Variants in RASGRF1 observed in about 807,000 individuals in gnomAD.
The protein encoded by RASGRF1 is ras-specific guanine nucleotide-releasing factor 1.
A neutral mutation model predicts 138.7 loss-of-function variants in RASGRF1; 40 were observed. The observed-to-expected ratio is 0.29, with a 90% confidence interval of 0.22 to 0.38. The LOEUF (loss-of-function observed/expected upper bound fraction) is 0.38, where lower values mean the gene tolerates loss of function less well. RASGRF1 is among the 10% of genes least tolerant of loss of function. The probability of loss-of-function intolerance (pLI) is 1.00; values close to 1 mark genes in which losing one functional copy is unlikely to be tolerated. For synonymous variants in RASGRF1, 614 were observed against 663.2 expected, an observed-to-expected ratio of 0.93 and a Z score of 1.14; for missense variants, 1,108 against 1,650.4, an observed-to-expected ratio of 0.67 and a Z score of 5.69.
At chr15:78,979,612 A>G (rs2055973951) in intron 24 of RASGRF1, among the ~76,000 whole-genome samples, 1 of 152,204 alleles carries the variant, frequency 6.6e-6, no homozygotes, top group Non-Finnish European at 1.5e-5. Context: ...ACCTAATGAG[A>G]GTGACAGAAG....
chr15:79,074,040 C>T (rs193140119), intron 1 of RASGRF1, among the ~76,000 whole-genome samples: 1 of 152,348 alleles, frequency 6.6e-6, no homozygotes, highest in East Asian at 1.9e-4. Context: ...CTCAGATCTA[C>T]AGCTCTGCTG....
intron 12 of RASGRF1, among the ~76,000 whole-genome samples, chr15:79,016,142 C>T (rs1315976241): frequency 6.6e-6 from 1 of 152,330 alleles, no homozygotes; most frequent in East Asian, 1.9e-4. Flanking sequence ...ACATTTCTGC[C>T]ATGAGAGGGT....
intron 10 of RASGRF1, 147 bp from the exon 11 acceptor site, chr15:79,020,251 G>A (rs973785969): frequency 9.5e-6 from 7 of 736,054 alleles, no homozygotes; most frequent in Middle Eastern, 2.6e-4. Context: ...TATGCCAAGT[G>A]GGTATTTTGC....
In RASGRF1 at chr15:79,072,272, T is replaced by C. The variant is rs1248169794; in HGVS notation, c.277-7746A>G. On this transcript the variant is annotated intron_variant, in intron 1 of 26. Coordinates refer to ENST00000558480, the MANE Select transcript of RASGRF1 (RefSeq NM_001145648.3). ...GGGAGTTCTTGATAAACAATCTTTT[T>C]TTTTTTTTTTTTTTTTTTTTTGAGA... Among the ~76,000 whole-genome samples the C allele has an allele frequency of 3.0e-3, 286 of 94,554 alleles. 4 individuals carry two copies. The highest frequency in any genetic ancestry group is 0.016 in the African/African-American group (246 of 15,318). The allele number at this position is 94,554 out of a possible 152,430, so 62.0% of individuals were successfully genotyped here. A position where few individuals can be genotyped will look rare whatever the true frequency, so the allele number is the denominator to read the frequency against.
rs143659987 is a variant in RASGRF1, at chr15:79,032,761, C to G, written c.959-445G>C. 6.6e-6 allele frequency among the ~76,000 whole-genome samples: 1 copy of G among 152,304 alleles called. No individual in the cohort carries two copies. Among genetic ancestry groups the G allele is most frequent in the Non-Finnish European group, 1.5e-5 (1 of 68,022 alleles). ...TCAATTCAGGACACCAGTGTGAGGT[C>G]ACCCCTTCTCCAGAGCTTCCTGTGG... On this transcript the variant is annotated intron_variant, in intron 6 of 26. Transcript: ENST00000558480. This position sits in a 1 kb window ranked among gnomAD's most constrained non-coding sequence, Gnocchi z 4.5.
intron 16 of RASGRF1, among the ~76,000 whole-genome samples, chr15:79,000,134 T>C (rs1183324151): frequency 2.6e-5 from 4 of 152,124 alleles, no homozygotes. Context: ...CTGTCCCAGG[T>C]TGGGGAGCAC....
intron 2 of RASGRF1, among the ~76,000 whole-genome samples, chr15:79,062,879 C>G (rs2057626613): frequency 6.7e-6 from 1 of 148,634 alleles, no homozygotes; most frequent in Non-Finnish European, 1.5e-5. Flanking sequence ...AACTTTGCCT[C>G]TTCATTATTC....
At chr15:78,963,773 G>A (rs540631419) in intron 26 of RASGRF1, among the ~76,000 whole-genome samples, 2 of 152,150 alleles carry the variant, frequency 1.3e-5, no homozygotes, top group Non-Finnish European at 2.9e-5. Flanking sequence ...TTAGCAGCTC[G>A]TTCCCAGCAC....
intron 1 of RASGRF1, 50 bp downstream of exon 1, chr15:79,090,173 C>CA (rs753200965): frequency 7.8e-6 from 12 of 1,530,346 alleles, no homozygotes; most frequent in Non-Finnish European, 1.0e-5. Flanking sequence ...CCTGAGCCCC[C>CA]AGGGCCGCGG....
At chr15:78,970,135 G>A (rs1005942235) in intron 26 of RASGRF1, among the ~76,000 whole-genome samples, 8 of 152,130 alleles carry the variant, frequency 5.3e-5, no homozygotes, top group African/African-American at 1.4e-4. Context: ...TTGATTTTCC[G>A]GTGTGCTTGA....
intron 13 of RASGRF1, chr15:79,012,584 T>C (rs1286946193): frequency 2.5e-6 from 4 of 1,610,318 alleles, no homozygotes; most frequent in Non-Finnish European, 3.4e-6. Context: ...AAGTTGTAAG[T>C]TTAATCTGGA....
At chr15:79,012,700 T>G (rs1025023990) in intron 13 of RASGRF1, among the ~76,000 whole-genome samples, 1 of 152,226 alleles carries the variant, frequency 6.6e-6, no homozygotes, top group South Asian at 2.1e-4. Context: ...CTCTTTTTTT[T>G]GAGACAGAGT....
chr15:79,049,548 G>A lies in RASGRF1; in HGVS notation c.572C>T (p.Thr191Ile). Residue 191 changes from threonine to isoleucine, a missense_variant, in exon 4 of 27, where the codon ACC (threonine) becomes ATC (isoleucine). By Grantham distance (89) the Thr-to-Ile change is moderately conservative. This residue lies in a region of RASGRF1 where 253 missense variants were observed against 329.5 expected (regional missense o/e 0.77). Coordinates refer to ENST00000558480, the MANE Select transcript of RASGRF1 (RefSeq NM_001145648.3). Reference protein sequence around the residue: ...LLKDNERIQSTQTVAPNDEDS... With the variant: ...LLKDNERIQSIQTVAPNDEDS... ...TTCATCGTTGGGGGCGACAGTCTGG[G>A]TGGACTGGATGCGCTCATTGTCCTT... The A allele has an allele frequency of 1.2e-6, 2 of 1,614,070 alleles. No individual in the cohort carries two copies. Among genetic ancestry groups the A allele is most frequent in the Non-Finnish European group, 1.7e-6 (2 of 1,179,992 alleles).
At chr15:79,068,889 G>A (rs2057716972) in intron 1 of RASGRF1, among the ~76,000 whole-genome samples, 1 of 152,098 alleles carries the variant, frequency 6.6e-6, no homozygotes, top group Admixed American at 6.5e-5. Flanking sequence ...CTGAACCCCA[G>A]CAGAGGCCAG....
chr15:78,991,618 T>C, intron 21 of RASGRF1, 73 bp downstream of exon 21: 1 of 1,213,896 alleles, frequency 8.2e-7, no homozygotes, highest in South Asian at 1.2e-5. Context: ...ATTCACTGCG[T>C]GTGCTTCCAG....
chr15:78,960,440 A>G lies in RASGRF1; in HGVS notation c.*1704T>C, dbSNP rs2055527664. ...GTCGCTCTTGGAACCCAGCTTCCGGACTGTGAGGAGCCCAAGCCACACAGA... is the reference window on the plus strand; with the variant it reads ...GTCGCTCTTGGAACCCAGCTTCCGGGCTGTGAGGAGCCCAAGCCACACAGA... On this transcript the variant is annotated 3_prime_UTR_variant, in exon 27 of 27. Transcript: ENST00000558480. 3 of 152,274 alleles carry G rather than the reference A, an allele frequency of 2.0e-5. No individual in the cohort carries two copies. Among genetic ancestry groups the G allele is most frequent in the Non-Finnish European group, 4.4e-5 (3 of 68,170 alleles). The allele number at this position is 152,274 out of a possible 1,614,324, so 9.4% of individuals were successfully genotyped here.
At position 79,003,971 on chromosome 15, in the gene RASGRF1, G is replaced by T. The variant is rs767653047; in HGVS notation, c.2280C>A (p.Ser760Arg). The change falls in exon 15 of 27, where the codon AGC becomes AGA. Residue 760 changes from serine to arginine, a missense_variant. Ser to Arg is a moderately radical substitution (Grantham distance 110, BLOSUM62 -1). Coordinates refer to ENST00000558480, the MANE Select transcript of RASGRF1 (RefSeq NM_001145648.3). ...GGKALDLAAL[S>R]CNSNGYTSMY... The stretch of plus-strand genomic sequence containing the variant: ...TGCTGGTGTAGCCATTGGAGTTGCA[G>T]CTGAGGGCGGCCAGGTCCAGGGCCT... The T allele has an allele frequency of 6.2e-6, 10 of 1,614,198 alleles. No homozygotes were observed. The South Asian group carries it at 9.9e-5, about 16-fold the overall frequency.
At chr15:79,029,301 G>A (rs2057104480) in intron 8 of RASGRF1, among the ~76,000 whole-genome samples, 1 of 152,136 alleles carries the variant, frequency 6.6e-6, no homozygotes, top group South Asian at 2.1e-4. Context: ...TAGTTCCCTA[G>A]AGATGGATCC....
At chr15:79,014,392 T>C (rs1427564833) in intron 13 of RASGRF1, among the ~76,000 whole-genome samples, 2 of 152,270 alleles carry the variant, frequency 1.3e-5, no homozygotes, top group African/African-American at 2.4e-5. Context: ...ATTTATATGA[T>C]GGAATACTAC....
Sources: gnomAD v4.1 joint callset for allele counts (sites outside exome capture counted in the v4.1 genomes callset) on GRCh38, gnomAD v4.1.1 for gene constraint, gnomAD v4.1.1 regional missense constraint, Gnocchi (gnomAD v3.1) non-coding constraint, MANE v1.5 for transcripts, NCBI Gene and HGNC (gene_info 2026-07-23, HGNC 2026-07-21) for gene names.